TSPAN18: variants seen among roughly 807,000 people sequenced by gnomAD.
TSPAN18 encodes the protein tetraspanin 18, also known as tetraspanin-18.
In TSPAN18, 14 loss-of-function variants were observed where a neutral mutation model predicts 27.3. That is an observed-to-expected ratio of 0.51 (90% CI 0.34 to 0.80). The LOEUF (loss-of-function observed/expected upper bound fraction) is 0.80, where lower values mean the gene tolerates loss of function less well. TSPAN18 is among the 30% of genes least tolerant of loss of function. The pLI is 0.01. For missense variants in TSPAN18, 268 were observed against 323.9 expected (o/e 0.83, Z 1.32); for synonymous variants, 143 against 136.5 (o/e 1.05, Z -0.33).
intron 1 of TSPAN18, among the ~76,000 whole-genome samples, chr11:44,754,881 C>A (rs1013521237): frequency 2.6e-5 from 4 of 152,216 alleles, no homozygotes; most frequent in Admixed American, 6.5e-5. Context: ...ACAATGCCCA[C>A]CGATGGCAAG....
intron 2 of TSPAN18, among the ~76,000 whole-genome samples, chr11:44,819,315 T>A (rs1196829776): frequency 2.6e-5 from 4 of 152,094 alleles, no homozygotes; most frequent in African/African-American, 9.7e-5. Flanking sequence ...GGACTGGAGT[T>A]GGGAAACTTG....
intron 2 of TSPAN18, among the ~76,000 whole-genome samples, chr11:44,821,517 T>C (rs1856928428): frequency 6.6e-6 from 1 of 152,236 alleles, no homozygotes; most frequent in Non-Finnish European, 1.5e-5. Context: ...CTGGCCTCTC[T>C]TGAAGTACAT....
intron 3 of TSPAN18, among the ~76,000 whole-genome samples, chr11:44,883,305 T>C (rs2135264227): frequency 6.6e-6 from 1 of 152,338 alleles, no homozygotes; most frequent in African/African-American, 2.4e-5. Flanking sequence ...ACCTGAATCC[T>C]TTCCTCCCAG....
At chr11:44,813,421 G>A (rs998950479) in intron 2 of TSPAN18, among the ~76,000 whole-genome samples, 4 of 152,212 alleles carry the variant, frequency 2.6e-5, no homozygotes, top group Admixed American at 6.5e-5. Flanking sequence ...GGGTTAAAAC[G>A]ATGTATATAA....
Position 44,776,686 on chromosome 11 carries a change from G to A in TSPAN18, c.-153+12174G>A, listed in dbSNP as rs140499213. On this transcript the variant is annotated intron_variant, in intron 2 of 9. Transcript: ENST00000520358. The stretch of plus-strand genomic sequence containing the variant: ...GCCCTGTCTCTGCCCCCGACTCTCC[G>A]TGTGACTACAGTCTGGGCCTCAGTT... Among the ~76,000 whole-genome samples the A allele has an allele frequency of 4.9e-3, 749 of 152,260 alleles. 2 individuals carry two copies. The highest frequency in any genetic ancestry group is 6.2e-3 in the African/African-American group (258 of 41,534).
rs1455300146 is a variant in TSPAN18, at chr11:44,918,013, A to G, written c.300A>G (p.Ser100=). ...FILIIFLAEL[S]AAILAFIFRE... ...TGATCATCTTCCTGGCAGAGCTCTC[A>G]GCAGCCATCCTGGCCTTCATCTTCA... The change falls in exon 6 of 10, where the codon TCA becomes TCG. Residue 100 remains serine, a synonymous_variant. Transcript: ENST00000520358. The G allele has an allele frequency of 6.2e-7, 1 of 1,614,156 alleles. No homozygotes were observed. Among genetic ancestry groups the G allele is most frequent in the Non-Finnish European group, 8.5e-7 (1 of 1,180,030 alleles).
At chr11:44,727,569 C>T (rs1451073271) in intron 1 of TSPAN18, among the ~76,000 whole-genome samples, 2 of 151,986 alleles carry the variant, frequency 1.3e-5, no homozygotes. Context: ...CCCAGTGCTC[C>T]GGGTGGAGGA....
intron 2 of TSPAN18, among the ~76,000 whole-genome samples, chr11:44,858,429 T>C (rs1857792796): frequency 6.6e-6 from 1 of 152,242 alleles, no homozygotes; most frequent in South Asian, 2.1e-4. Context: ...GCCTGAGAGA[T>C]GGCAGAGACT....
At chr11:44,738,990 CTT>C (rs1258285016) in intron 1 of TSPAN18, among the ~76,000 whole-genome samples, 1 of 152,190 alleles carries the variant, frequency 6.6e-6, no homozygotes, top group Non-Finnish European at 1.5e-5. Context: ...TTTCCTGGCT[CTT>C]CTCCTCTGCA....
rs1007271038 is a variant in TSPAN18, at chr11:44,931,344, C to CA, written c.*2172dup. On this transcript the variant is annotated 3_prime_UTR_variant, in exon 10 of 10. Transcript: ENST00000520358. ...GACACACAAAAACAAAAACAAAAAA[C>CA]AAAAAACCCATGCTGGGCAGGACTG... The CA allele has an allele frequency of 5.4e-6, 1 of 185,998 alleles. No individual in the cohort carries two copies. Among genetic ancestry groups the CA allele is most frequent in the South Asian group, 1.0e-4 (1 of 9,616 alleles). The allele number at this position is 185,998 out of a possible 1,614,324, so 11.5% of individuals were successfully genotyped here.
chr11:44,771,603 A>G (rs572396226), intron 2 of TSPAN18, among the ~76,000 whole-genome samples: 1 of 152,356 alleles, frequency 6.6e-6, no homozygotes, highest in Admixed American at 6.5e-5. Context: ...ATCAGGATAT[A>G]TATCTGATAG....
intron 3 of TSPAN18, among the ~76,000 whole-genome samples, chr11:44,894,631 C>T (rs1477788096): frequency 6.6e-6 from 1 of 152,254 alleles, no homozygotes; most frequent in Non-Finnish European, 1.5e-5. Context: ...GGCAGGGGTC[C>T]GCCGAGGAAA....
At chr11:44,897,633 C>A in intron 3 of TSPAN18, 1 of 535,072 alleles carries the variant, frequency 1.9e-6, no homozygotes, top group East Asian at 7.0e-5. Flanking sequence ...CCCAGATTAG[C>A]AGGACAGTTG....
At chr11:44,908,282 C>G (rs542876922) in intron 4 of TSPAN18, among the ~76,000 whole-genome samples, 1 of 152,262 alleles carries the variant, frequency 6.6e-6, no homozygotes, top group Non-Finnish European at 1.5e-5. Context: ...AGCAGTTTTC[C>G]TGTCGCCCAG....
At chr11:44,741,080 C>T (rs752513815) in intron 1 of TSPAN18, among the ~76,000 whole-genome samples, 22 of 152,140 alleles carry the variant, frequency 1.4e-4, no homozygotes, top group Admixed American at 5.9e-4. Context: ...GAGTCTTGAA[C>T]GGGGAACATG....
At chr11:44,820,163 G>A (rs1490175833) in intron 2 of TSPAN18, among the ~76,000 whole-genome samples, 3 of 152,200 alleles carry the variant, frequency 2.0e-5, no homozygotes, top group East Asian at 1.9e-4. Context: ...TTTGACTAGC[G>A]TGTTCTACTC....
intron 2 of TSPAN18, among the ~76,000 whole-genome samples, chr11:44,842,875 A>T (rs933709212): frequency 2.6e-5 from 4 of 152,230 alleles, no homozygotes; most frequent in South Asian, 4.1e-4. Context: ...TCCAGCCCAG[A>T]AGGCTCTCCT....
At chr11:44,730,799 G>T (rs1438651908) in intron 1 of TSPAN18, among the ~76,000 whole-genome samples, 1 of 149,608 alleles carries the variant, frequency 6.7e-6, no homozygotes, top group African/African-American at 2.4e-5. Context: ...AATTTTTTTT[G>T]AATTTTTAGT....
chr11:44,807,190 CTTAAAAAAAAAAAAA>C, intron 2 of TSPAN18, among the ~76,000 whole-genome samples: 1 of 85,382 alleles, frequency 1.2e-5, no homozygotes, highest in African/African-American at 5.5e-5. Context: ...GACCCTGTCT[CTTAAAAAAAAAAAAA>C]AAAAAAAAAA....
Sources: gnomAD v4.1 joint callset for allele counts (sites outside exome capture counted in the v4.1 genomes callset) on GRCh38, gnomAD v4.1.1 for gene constraint, MANE v1.5 for transcripts, NCBI Gene and HGNC (gene_info 2026-07-23, HGNC 2026-07-21) for gene names.